Variants in ZDHHC11B observed in about 807,000 individuals in gnomAD.
ZDHHC11B encodes the protein zDHHC palmitoyltransferase 11B (putative).
A neutral mutation model predicts 42.3 loss-of-function variants in ZDHHC11B; 17 were observed. The ratio of observed to expected loss-of-function variants is 0.40; its 90% CI spans 0.27 to 0.60. ZDHHC11B has a LOEUF of 0.60. Ranked by LOEUF, ZDHHC11B falls within the 20% of genes least tolerant of loss-of-function variation. The pLI is 0.41. For synonymous variants in ZDHHC11B, 123 were observed against 193.5 expected (o/e 0.64, Z 3.02); for missense variants, 262 against 463.2 (o/e 0.57, Z 3.99).
At chr5:777,530 A>G (rs1187056252) in intron 1 of ZDHHC11B, among the ~76,000 whole-genome samples, 9 of 151,848 alleles carry the variant, frequency 5.9e-5, no homozygotes, top group African/African-American at 1.7e-4. Flanking sequence ...TCCACAGCGG[A>G]GAAGAGAATG....
chr5:766,969 C>T (rs111384701), intron 3 of ZDHHC11B, 50 bp from the exon 4 acceptor site: 130,635 of 1,546,576 alleles, frequency 0.084, 2,849 homozygotes, highest in African/African-American at 0.17. Context: ...CGGGGAGGGC[C>T]GGCCCCACCC....
rs1217304529 is a variant in ZDHHC11B at position 766,688 on chromosome 5, A to G, written c.222+10T>C. 5.6e-6 allele frequency: 9 copies of G among 1,602,174 alleles called. No individual in the cohort carries two copies. Among genetic ancestry groups the G allele is most frequent in the Non-Finnish European group, 7.7e-6 (9 of 1,173,220 alleles). ...CTCCCGCTTAGACCATGCCACGATG[A>G]AAAGGATACCACATAGGCGATGTAT... is the stretch of plus-strand genomic sequence containing the variant. On this transcript the variant is annotated intron_variant, in intron 4 of 13. Coordinates refer to ENST00000508859, the MANE Select transcript of ZDHHC11B (RefSeq NM_001351303.2).
At position 730,353 on chromosome 5, in the gene ZDHHC11B, G is replaced by C. The variant is rs1290662478; in HGVS notation, c.1058+81C>G. 3 of 1,451,288 alleles carry C rather than the reference G, an allele frequency of 2.1e-6. No individual in the cohort carries two copies. The African/African-American group carries it at 4.3e-5, about 21-fold the overall frequency. 89.9% of individuals were successfully genotyped at this position (1,451,288 alleles called of 1,614,324 possible). On this transcript the variant is annotated intron_variant, in intron 12 of 13. Transcript: ENST00000508859. The stretch of plus-strand genomic sequence containing the variant: ...TCAGAATATTTGAACATGTTAAATA[G>C]AGAACATATTTTCCTAGGTAATTTG...
chr5:748,923 ACCC>A (rs1441933740), intron 7 of ZDHHC11B, among the ~76,000 whole-genome samples: 1 of 107,164 alleles, frequency 9.3e-6, no homozygotes, highest in Non-Finnish European at 2.0e-5. Context: ...CACAGCGCCC[ACCC>A]CTTCCTCACT....
At chr5:750,375 C>T (rs1484678384) in intron 7 of ZDHHC11B, among the ~76,000 whole-genome samples, 5 of 139,044 alleles carry the variant, frequency 3.6e-5, no homozygotes, top group Middle Eastern at 3.6e-3. Flanking sequence ...TGGCTCCGGG[C>T]GACCCCGGGC....
intron 1 of ZDHHC11B, among the ~76,000 whole-genome samples, chr5:780,794 G>C (rs1736903181): frequency 6.6e-6 from 1 of 151,976 alleles, no homozygotes; most frequent in African/African-American, 2.4e-5. Context: ...CATGGCCCAG[G>C]CTCCTCAGGC....
chr5:783,985 G>C (rs1405424367), intron 1 of ZDHHC11B, among the ~76,000 whole-genome samples: 1 of 151,020 alleles, frequency 6.6e-6, no homozygotes, highest in African/African-American at 2.4e-5. Context: ...AGAATAAAGG[G>C]CTCCTCAGAT....
At chr5:771,664 C>G (rs1174497937) in intron 1 of ZDHHC11B, among the ~76,000 whole-genome samples, 2 of 151,782 alleles carry the variant, frequency 1.3e-5, no homozygotes, top group East Asian at 3.9e-4. Flanking sequence ...TGGGCCTCTG[C>G]AGCAGGGGTC....
chr5:732,486 G>A, intron 11 of ZDHHC11B: 2 of 332,512 alleles, frequency 6.0e-6, no homozygotes, highest in South Asian at 4.8e-5. Flanking sequence ...TCTGGGCGGG[G>A]GTGGGCTGGG....
chr5:728,254 T>G (rs1205153345), intron 12 of ZDHHC11B, among the ~76,000 whole-genome samples: 8 of 151,996 alleles, frequency 5.3e-5, no homozygotes, highest in African/African-American at 1.9e-4. Flanking sequence ...TAATATCTGG[T>G]GCTGAAAAGA....
At position 722,865 on chromosome 5, in the gene ZDHHC11B, T is replaced by C. The variant is rs389688; in HGVS notation, c.1059-6000A>G. 6.0e-3 allele frequency among the ~76,000 whole-genome samples: 908 copies of C among 151,128 alleles called. 34 individuals are homozygous for C. Among genetic ancestry groups the C allele is most frequent in the African/African-American group, 0.021 (848 of 40,704 alleles). On this transcript the variant is annotated intron_variant, in intron 12 of 13. Transcript: ENST00000508859. ...TGGACAGACCTTGGCAATTTAGTACTAAGTGAAAAAGGTGATTCCTCAAAG... is the reference window on the plus strand; with the variant it reads ...TGGACAGACCTTGGCAATTTAGTACCAAGTGAAAAAGGTGATTCCTCAAAG...
At chr5:733,729 C>G (rs754027587) in intron 11 of ZDHHC11B, 23 bp downstream of exon 11, 10 of 1,598,934 alleles carry the variant, frequency 6.3e-6, no homozygotes, top group Middle Eastern at 1.7e-4. Flanking sequence ...CCTCAGGGTG[C>G]ATTGCTGGTG....
In ZDHHC11B at chr5:732,043, G is replaced by A. The variant is rs190714107; in HGVS notation, c.1024-1575C>T. On this transcript the variant is annotated intron_variant, in intron 11 of 13. Transcript: ENST00000508859. ...GAGTTTCCAGTTTGTTCCATTCATC[G>A]AGTCAGGGTGTCTTCTTTGGACAAT... 217 of 151,684 alleles carry A rather than the reference G, an allele frequency of 1.4e-3. 2 individuals carry two copies. Among genetic ancestry groups the A allele is most frequent in the Middle Eastern group, 0.013 (4 of 298 alleles). The allele number at this position is 151,684 out of a possible 1,614,324, so 9.4% of individuals were successfully genotyped here.
Position 766,564 on chromosome 5 carries a change from C to T in ZDHHC11B, c.222+134G>A, listed in dbSNP as rs554935375. ...TGGCCACTGGGCCCACCTGCAGGCT[C>T]GGGGGACATAGTCTGGCCCAGGACA... On this transcript the variant is annotated intron_variant, in intron 4 of 13. Transcript: ENST00000508859. The T allele has an allele frequency of 2.6e-4, 265 of 1,037,296 alleles. 1 individual carries two copies. Among genetic ancestry groups the T allele is most frequent in the African/African-American group, 1.2e-3 (82 of 65,938 alleles). The allele number at this position is 1,037,296 out of a possible 1,614,324, so 64.3% of individuals were successfully genotyped here.
chr5:716,348 T>G (rs1313411795), intron 13 of ZDHHC11B, among the ~76,000 whole-genome samples: 1 of 151,630 alleles, frequency 6.6e-6, no homozygotes, highest in Non-Finnish European at 1.5e-5. Flanking sequence ...AATGATCATT[T>G]GTTTCACGGT....
rs146210465 is a variant in ZDHHC11B at position 765,874 on chromosome 5, G to T, written c.222+824C>A. Among the ~76,000 whole-genome samples, 295 of 151,872 alleles carry T rather than the reference G, an allele frequency of 1.9e-3. 2 individuals carry two copies. The highest frequency in any genetic ancestry group is 6.8e-3 in the African/African-American group (281 of 41,296). On this transcript the variant is annotated intron_variant, in intron 4 of 13. Coordinates refer to ENST00000508859, the MANE Select transcript of ZDHHC11B (RefSeq NM_001351303.2). The stretch of plus-strand genomic sequence containing the variant: ...GGTCTGCGGCTTCATTCTTGAAGTT[G>T]GTGAGACCAAGAACCCACCAGTTCC...
At chr5:765,732 T>C (rs2150216117) in intron 4 of ZDHHC11B, among the ~76,000 whole-genome samples, 2 of 152,044 alleles carry the variant, frequency 1.3e-5, no homozygotes, top group East Asian at 1.9e-4. Context: ...TGCAGCTTCA[T>C]TCCTGAACCA....
At position 761,169 on chromosome 5, in the gene ZDHHC11B, C is replaced by T. The variant is rs111929788; in HGVS notation, c.223-5025G>A. Among the ~76,000 whole-genome samples, 1,262 of 151,236 alleles carry T rather than the reference C, an allele frequency of 8.3e-3. 6 individuals are homozygous for T. Among genetic ancestry groups the T allele is most frequent in the African/African-American group, 0.029 (1,197 of 40,748 alleles). On this transcript the variant is annotated intron_variant, in intron 4 of 13. Coordinates refer to ENST00000508859, the MANE Select transcript of ZDHHC11B (RefSeq NM_001351303.2). ...GGCGTGGACTGCCTTGACCACGGTC[C>T]GATCACAGCCTGTCTTCTCACCTGC...
chr5:739,499 C>G (rs1370644693), intron 10 of ZDHHC11B, among the ~76,000 whole-genome samples: 1 of 150,426 alleles, frequency 6.6e-6, no homozygotes, highest in Non-Finnish European at 1.5e-5. Context: ...AAATGGCCAA[C>G]AAGCATAGGA....
Sources: allele counts gnomAD v4.1 joint callset (sites outside exome capture counted in the v4.1 genomes callset), GRCh38; gene constraint gnomAD v4.1.1; transcripts MANE v1.5; gene names NCBI Gene and HGNC (gene_info 2026-07-23, HGNC 2026-07-21).